CENPK: variants seen among roughly 807,000 people sequenced by gnomAD.
The protein encoded by CENPK is SoxLZ/Sox6-binding protein Solt.
CENPK carries 46 observed loss-of-function variants against 40.9 expected under a neutral mutation model. That is an observed-to-expected ratio of 1.13 (90% confidence interval 0.89 to 1.44). The LOEUF is 1.44. Ranked by LOEUF, CENPK falls within the 40% of genes most tolerant of loss-of-function variation. The pLI is 0.00. For missense variants in CENPK, 288 were observed against 303.5 expected, an observed-to-expected ratio of 0.95 and a Z score of 0.38; for synonymous variants, 107 against 104.4, an observed-to-expected ratio of 1.02 and a Z score of -0.15.
At chr5:65,521,551 A>T (rs1172830115) in intron 9 of CENPK, 23 bp from the exon 10 acceptor site, 5 of 1,487,246 alleles carry the variant, frequency 3.4e-6, no homozygotes, top group Non-Finnish European at 4.7e-6. Flanking sequence ...TGTGAATAAC[A>T]AACAATTACC....
At chr5:65,547,501 T>C (rs1749218712) in intron 5 of CENPK, among the ~76,000 whole-genome samples, 1 of 151,810 alleles carries the variant, frequency 6.6e-6, no homozygotes, top group Non-Finnish European at 1.5e-5. Flanking sequence ...ACAATTGTAA[T>C]ACTACACACC....
rs754847602 is a variant in CENPK, at chr5:65,518,441, G to A, written c.*34C>T. 5.0e-6 allele frequency: 8 copies of A among 1,586,870 alleles called. No individual in the cohort carries two copies. Among genetic ancestry groups the A allele is most frequent in the Non-Finnish European group, 6.8e-6 (8 of 1,167,916 alleles). ...TGGTTCCAATATCCTTGAATGATAA[G>A]AATTTTTACTGTGTGAAAAAAGAAA... On this transcript the variant is annotated 3_prime_UTR_variant, in exon 11 of 11. Coordinates refer to ENST00000396679, the MANE Select transcript of CENPK (RefSeq NM_022145.5).
At chr5:65,499,666 A>T in the CENPK span, among the ~76,000 whole-genome samples, 40,584 of 79,006 alleles carry the variant, frequency 0.51, 7,266 homozygotes, top group East Asian at 0.64. Context: ...TTTTTTTTTT[A>T]ATTTTTTTTT....
chr5:65,502,930 C>G, the CENPK span, among the ~76,000 whole-genome samples: 32 of 151,966 alleles, frequency 2.1e-4, no homozygotes, highest in Admixed American at 2.1e-3. Flanking sequence ...TTCAGCCTCC[C>G]GAGTAGCTGG....
At chr5:65,557,331 G>C (rs1169031835) in intron 2 of CENPK, among the ~76,000 whole-genome samples, 1 of 152,174 alleles carries the variant, frequency 6.6e-6, no homozygotes, top group Non-Finnish European at 1.5e-5. Context: ...TCAAGAGACA[G>C]AGTCTTTTTC....
chr5:65,515,286 C>T (rs924226574), downstream of CENPK, among the ~76,000 whole-genome samples: 5 of 150,174 alleles, frequency 3.3e-5, no homozygotes, highest in African/African-American at 4.9e-5. Flanking sequence ...TCACTGCAAG[C>T]TCCGCCTCCC....
intron 6 of CENPK, among the ~76,000 whole-genome samples, chr5:65,529,951 C>A (rs1009748905): frequency 3.3e-5 from 5 of 151,848 alleles, no homozygotes; most frequent in African/African-American, 1.2e-4. Flanking sequence ...AATACAGGCA[C>A]GTGCCACCAC....
At chr5:65,528,727 T>C (rs1745192106) in intron 8 of CENPK, 149 bp from the exon 9 acceptor site, 1 of 1,152,806 alleles carries the variant, frequency 8.7e-7, no homozygotes, top group African/African-American at 1.6e-5. Context: ...ATATTGTCTA[T>C]ATAACAAGTA....
intron 5 of CENPK, among the ~76,000 whole-genome samples, chr5:65,543,980 C>T (rs549625809): frequency 8.5e-5 from 13 of 152,250 alleles, no homozygotes; most frequent in African/African-American, 3.1e-4. Context: ...TGCGTTCAAT[C>T]CTTATGCTAG....
At chr5:65,526,441 G>C (rs1279313520) in intron 9 of CENPK, among the ~76,000 whole-genome samples, 1 of 152,108 alleles carries the variant, frequency 6.6e-6, no homozygotes, top group Non-Finnish European at 1.5e-5. Context: ...AGAATAAAAA[G>C]AACACAGATA....
the CENPK span, among the ~76,000 whole-genome samples, chr5:65,500,453 T>G: frequency 6.8e-6 from 1 of 147,896 alleles, no homozygotes; most frequent in Non-Finnish European, 1.5e-5. Context: ...GTTTTTTGGC[T>G]GCATAAATGT....
chr5:65,552,811 T>C (rs1750322424), intron 3 of CENPK, among the ~76,000 whole-genome samples: 1 of 149,704 alleles, frequency 6.7e-6, no homozygotes, highest in East Asian at 1.9e-4. Context: ...GAATGAATTA[T>C]AAGTCAGATA....
chr5:65,506,483 T>C, the CENPK span, among the ~76,000 whole-genome samples: 1 of 151,702 alleles, frequency 6.6e-6, no homozygotes, highest in African/African-American at 2.4e-5. Flanking sequence ...ACCCGGTCTC[T>C]ACTAAAAACA....
chr5:65,517,837 T>C lies in CENPK; in HGVS notation c.*638A>G, dbSNP rs369693784. Reference sequence around the variant, plus strand: ...TTAATAAAATGTCATGAATACAATTTTGTTGGTAATAATTAGCAGAATCAA... The same window carrying C: ...TTAATAAAATGTCATGAATACAATTCTGTTGGTAATAATTAGCAGAATCAA... On this transcript the variant is annotated 3_prime_UTR_variant, in exon 11 of 11. Transcript: ENST00000396679. The C allele has an allele frequency of 6.6e-5, 10 of 152,172 alleles. No individual in the cohort carries two copies. In the South Asian group the frequency reaches 1.2e-3, roughly 19 times the overall value. The allele number at this position is 152,172 out of a possible 1,614,324, so 9.4% of individuals were successfully genotyped here.
At position 65,530,136 on chromosome 5, in the gene CENPK, G is replaced by T. The variant is rs530158126; in HGVS notation, c.289-937C>A. Among the ~76,000 whole-genome samples, 4 of 152,118 alleles carry T rather than the reference G, an allele frequency of 2.6e-5. No individual in the cohort carries two copies. The South Asian group carries it at 8.3e-4, about 32-fold the overall frequency. On this transcript the variant is annotated intron_variant, in intron 6 of 10. Transcript: ENST00000396679. ...CTTTACTGAGGAGACTGTACAAAACGGACACAAATGACTCACTCATTCAAT... is the reference window on the plus strand; with the variant it reads ...CTTTACTGAGGAGACTGTACAAAACTGACACAAATGACTCACTCATTCAAT...
chr5:65,532,721 C>G (rs1746062947), intron 6 of CENPK, among the ~76,000 whole-genome samples: 1 of 151,206 alleles, frequency 6.6e-6, no homozygotes, highest in African/African-American at 2.4e-5. Flanking sequence ...ACCAGCCTGA[C>G]CAACATGGAG....
intron 2 of CENPK, among the ~76,000 whole-genome samples, chr5:65,559,422 G>C (rs1439071955): frequency 6.6e-6 from 1 of 151,964 alleles, no homozygotes; most frequent in Non-Finnish European, 1.5e-5. Context: ...GAGGTCAGGA[G>C]ATCGAGACCA....
chr5:65,552,306 C>T (rs1434788975), intron 4 of CENPK, among the ~76,000 whole-genome samples, 187 bp downstream of exon 4: 1 of 152,102 alleles, frequency 6.6e-6, no homozygotes, highest in Non-Finnish European at 1.5e-5. Flanking sequence ...ATAGCTTGTT[C>T]TAGAAAGTTT....
chr5:65,548,419 A>G (rs573365390), intron 5 of CENPK, among the ~76,000 whole-genome samples: 1 of 152,178 alleles, frequency 6.6e-6, no homozygotes, highest in African/African-American at 2.4e-5. Context: ...TTAATGGCTG[A>G]TGACTGATCA....
Sources: gnomAD v4.1 joint callset for allele counts (sites outside exome capture counted in the v4.1 genomes callset) on GRCh38, gnomAD v4.1.1 for gene constraint, MANE v1.5 for transcripts, NCBI Gene and HGNC (gene_info 2026-07-23, HGNC 2026-07-21) for gene names.